Variants in AGBL4 observed in about 807,000 individuals in gnomAD.
AGBL4 encodes cytosolic carboxypeptidase 6.
A neutral mutation model predicts 66.4 loss-of-function variants in AGBL4; 58 were observed. The ratio of observed to expected loss-of-function variants is 0.87; its 90% CI spans 0.71 to 1.09. The LOEUF is 1.09. Among genes scored for constraint, AGBL4 ranks in the 50% least tolerant of loss-of-function variants. The probability of loss-of-function intolerance (pLI) is 0.00; values close to 1 mark genes in which losing one functional copy is unlikely to be tolerated. For missense variants in AGBL4, 579 were observed against 631.0 expected, an observed-to-expected ratio of 0.92 and a Z score of 0.88; for synonymous variants, 234 against 222.9, an observed-to-expected ratio of 1.05 and a Z score of -0.44.
chr1:49,514,219 C>T (rs1649546828), intron 3 of AGBL4, among the ~76,000 whole-genome samples: 1 of 151,912 alleles, frequency 6.6e-6, no homozygotes, highest in Non-Finnish European at 1.5e-5. Context: ...ATTTCCTTCT[C>T]CTGCCTGATT....
intron 6 of AGBL4, among the ~76,000 whole-genome samples, chr1:48,766,744 C>T (rs1644551295): frequency 6.6e-6 from 1 of 152,228 alleles, no homozygotes; most frequent in South Asian, 2.1e-4. Flanking sequence ...TAACCACCTC[C>T]TGGCTCCATC....
chr1:48,779,219 C>CGGAG (rs1645228509), intron 6 of AGBL4, among the ~76,000 whole-genome samples: 1 of 152,018 alleles, frequency 6.6e-6, no homozygotes, highest in Non-Finnish European at 1.5e-5. Context: ...CAATGGCCAA[C>CGGAG]CTCCTCTCTG....
intron 6 of AGBL4, among the ~76,000 whole-genome samples, chr1:48,768,515 T>C (rs989345958): frequency 6.6e-6 from 1 of 152,142 alleles, no homozygotes; most frequent in Non-Finnish European, 1.5e-5. Context: ...ATGCTGGTAA[T>C]AGGCAAATGG....
At chr1:49,181,711 A>G (rs1557706617) in intron 4 of AGBL4, among the ~76,000 whole-genome samples, 1 of 152,182 alleles carries the variant, frequency 6.6e-6, no homozygotes. Context: ...TCACTTCCTC[A>G]GAATAACAAC....
chr1:49,762,529 C>T (rs1158055339), intron 2 of AGBL4, among the ~76,000 whole-genome samples: 1 of 151,828 alleles, frequency 6.6e-6, no homozygotes, highest in Non-Finnish European at 1.5e-5. Context: ...TCTCCTGCCT[C>T]AGCCTCCTGA....
intron 2 of AGBL4, among the ~76,000 whole-genome samples, chr1:49,771,522 G>A (rs765831573): frequency 3.3e-5 from 5 of 152,066 alleles, no homozygotes; most frequent in Non-Finnish European, 7.4e-5. Flanking sequence ...GGTTTCTGGT[G>A]TAGTTTTAAG....
chr1:48,781,464 TG>T (rs554804496), intron 6 of AGBL4, among the ~76,000 whole-genome samples: 73 of 152,360 alleles, frequency 4.8e-4, no homozygotes, highest in African/African-American at 1.7e-3. Context: ...ACCATAGCCC[TG>T]GGCTTTACAC....
At chr1:48,957,605 A>G (rs1571095742) in intron 5 of AGBL4, among the ~76,000 whole-genome samples, 1 of 152,188 alleles carries the variant, frequency 6.6e-6, no homozygotes, top group South Asian at 2.1e-4. Context: ...GGTCTTCACT[A>G]ACACTTCTTT....
At chr1:48,993,268 T>A (rs1458456436) in intron 5 of AGBL4, among the ~76,000 whole-genome samples, 3 of 152,150 alleles carry the variant, frequency 2.0e-5, no homozygotes, top group Admixed American at 6.5e-5. Flanking sequence ...AAGTTATGAC[T>A]AGAAATGTCA....
At chr1:49,570,398 C>A (rs1287627874) in intron 3 of AGBL4, among the ~76,000 whole-genome samples, 1 of 152,036 alleles carries the variant, frequency 6.6e-6, no homozygotes, top group African/African-American at 2.4e-5. Flanking sequence ...TCTGCATAAA[C>A]ATTAAAAATA....
chr1:49,954,351 G>A (rs1008520773), intron 1 of AGBL4, among the ~76,000 whole-genome samples: 1 of 151,958 alleles, frequency 6.6e-6, no homozygotes, highest in African/African-American at 2.4e-5. Context: ...AAGTGATTAG[G>A]CCATGAGGGC....
chr1:50,012,283 G>C (rs1244742862), intron 1 of AGBL4, among the ~76,000 whole-genome samples: 1 of 151,334 alleles, frequency 6.6e-6, no homozygotes, highest in Non-Finnish European at 1.5e-5. Flanking sequence ...ACCTGCTATC[G>C]TGATAGCCCA....
intron 4 of AGBL4, among the ~76,000 whole-genome samples, chr1:49,198,466 G>A (rs536858249): frequency 2.3e-4 from 35 of 151,984 alleles, no homozygotes; most frequent in East Asian, 7.8e-4. Context: ...TCAGCCTCCC[G>A]AGTAGCTGGG....
chr1:48,919,652 C>G (rs1325427615), intron 5 of AGBL4, among the ~76,000 whole-genome samples: 1 of 152,198 alleles, frequency 6.6e-6, no homozygotes, highest in African/African-American at 2.4e-5. Flanking sequence ...TAACTCCTCA[C>G]TATGGGAGGC....
intron 4 of AGBL4, among the ~76,000 whole-genome samples, chr1:49,206,111 C>A (rs771109425): frequency 8.5e-5 from 13 of 152,138 alleles, no homozygotes; most frequent in Non-Finnish European, 1.8e-4. Flanking sequence ...GTTTCAAAAT[C>A]ACTTCAGTAC....
At chr1:49,463,476 G>A (rs1301379747) in intron 3 of AGBL4, among the ~76,000 whole-genome samples, 1 of 151,708 alleles carries the variant, frequency 6.6e-6, no homozygotes, top group Non-Finnish European at 1.5e-5. Context: ...GGACCCAGCA[G>A]CTTACTGCCC....
intron 3 of AGBL4, among the ~76,000 whole-genome samples, chr1:49,285,599 A>T (rs548420039): frequency 1.2e-4 from 19 of 152,174 alleles, no homozygotes; most frequent in Non-Finnish European, 2.6e-4. Flanking sequence ...TTTTGAAAGG[A>T]TCAACAAAAT....
At chr1:50,015,207 C>A (rs1661886117) in intron 1 of AGBL4, among the ~76,000 whole-genome samples, 2 of 152,178 alleles carry the variant, frequency 1.3e-5, no homozygotes, top group Admixed American at 6.5e-5. Context: ...ATCTAAGACA[C>A]CTTCTTGAAC....
chr1:49,970,396 T>C (rs1657951617), intron 1 of AGBL4, among the ~76,000 whole-genome samples: 1 of 151,966 alleles, frequency 6.6e-6, no homozygotes, highest in East Asian at 1.9e-4. Flanking sequence ...TGGCTACAAC[T>C]CAATAGCGAA....
Sources: allele counts gnomAD v4.1 joint callset (sites outside exome capture counted in the v4.1 genomes callset), GRCh38; gene constraint gnomAD v4.1.1; transcripts MANE v1.5; gene names NCBI Gene and HGNC (gene_info 2026-07-23, HGNC 2026-07-21).